B3GALT1: variants seen among roughly 807,000 people sequenced by gnomAD.
B3GALT1 encodes beta-1,3-galactosyltransferase 1, also known as UDP-Gal:betaGlcNAc beta 1,3-galactosyltransferase, polypeptide 1.
Under a neutral mutation model 23.2 loss-of-function variants are expected in B3GALT1, and 10 were observed. The ratio of observed to expected loss-of-function variants is 0.43; its 90% CI spans 0.27 to 0.73. The LOEUF (loss-of-function observed/expected upper bound fraction) is 0.73, where lower values mean the gene tolerates loss of function less well. B3GALT1 is among the 30% of genes least tolerant of loss of function. The pLI is 0.21. For synonymous variants in B3GALT1, 156 were observed against 141.5 expected, an observed-to-expected ratio of 1.10 and a Z score of -0.73; for missense variants, 299 against 405.4, an observed-to-expected ratio of 0.74 and a Z score of 2.25.
At chr2:167,362,663 C>T (rs1697516262) in intron 1 of B3GALT1, among the ~76,000 whole-genome samples, 1 of 151,870 alleles carries the variant, frequency 6.6e-6, no homozygotes, top group Non-Finnish European at 1.5e-5. Context: ...TGATATCTCC[C>T]CTTCCTGAGG....
chr2:167,332,074 G>A (rs918102386), intron 1 of B3GALT1, among the ~76,000 whole-genome samples: 1 of 152,178 alleles, frequency 6.6e-6, no homozygotes, highest in African/African-American at 2.4e-5. Context: ...GTGAGACCCA[G>A]TGTGAACTCT....
At chr2:167,486,873 A>G (rs1225335268) in intron 1 of B3GALT1, among the ~76,000 whole-genome samples, 2 of 152,220 alleles carry the variant, frequency 1.3e-5, no homozygotes, top group Non-Finnish European at 2.9e-5. Context: ...AGAAGGAAAA[A>G]TCACACAAGA....
At chr2:167,346,026 T>C (rs1466998053) in intron 1 of B3GALT1, among the ~76,000 whole-genome samples, 2 of 148,524 alleles carry the variant, frequency 1.3e-5, no homozygotes, top group South Asian at 4.2e-4. Context: ...TAGATACTTA[T>C]TTGTTGGATT....
Position 167,465,843 on chromosome 2 carries a change from G to A in B3GALT1, c.-510-24334G>A, listed in dbSNP as rs547776788. On this transcript the variant is annotated intron_variant, in intron 1 of 4. Transcript: ENST00000392690. Reference sequence around the variant, plus strand: ...AACTTCATACACCTGCAGGGAAAGTGGACAATTTGAGGAAGATGTGAGTTG... The same window carrying A: ...AACTTCATACACCTGCAGGGAAAGTAGACAATTTGAGGAAGATGTGAGTTG... Among the ~76,000 whole-genome samples, 7 of 151,950 alleles carry A rather than the reference G, an allele frequency of 4.6e-5. No homozygotes were observed. In the South Asian group the frequency reaches 1.5e-3, roughly 32 times the overall value.
chr2:167,557,483 G>A (rs544253040), intron 2 of B3GALT1, among the ~76,000 whole-genome samples: 57 of 152,128 alleles, frequency 3.7e-4, no homozygotes, highest in Middle Eastern at 3.2e-3. Flanking sequence ...GTAGAACTTA[G>A]AAACATGATA....
intron 3 of B3GALT1, among the ~76,000 whole-genome samples, chr2:167,740,067 C>G (rs1462979074): frequency 2.0e-5 from 3 of 151,258 alleles, no homozygotes; most frequent in South Asian, 4.2e-4. Context: ...CTGCCATACT[C>G]CAGCCTGGGC....
intron 1 of B3GALT1, among the ~76,000 whole-genome samples, chr2:167,453,270 A>T (rs1165126730): frequency 6.6e-6 from 1 of 152,192 alleles, no homozygotes; most frequent in Non-Finnish European, 1.5e-5. Context: ...TTGCCAATGG[A>T]TATATTATTG....
chr2:167,494,019 T>C (rs1018496986), intron 2 of B3GALT1, among the ~76,000 whole-genome samples: 1 of 152,118 alleles, frequency 6.6e-6, no homozygotes, highest in Admixed American at 6.5e-5. Context: ...GACAGAGTAA[T>C]AGGGAGATCT....
chr2:167,423,214 A>G lies in B3GALT1; in HGVS notation c.-510-66963A>G, dbSNP rs148757832. The stretch of plus-strand genomic sequence containing the variant: ...TAAATGAAGGTAAAAGGCTAGAGGA[A>G]CCAGAGAGTAAAGAAGTTAACTATA... On this transcript the variant is annotated intron_variant, in intron 1 of 4. Coordinates refer to ENST00000392690, the MANE Select transcript of B3GALT1 (RefSeq NM_020981.4). Among the ~76,000 whole-genome samples the G allele has an allele frequency of 1.7e-3, 266 of 152,258 alleles. 1 individual carries two copies. Among genetic ancestry groups the G allele is most frequent in the African/African-American group, 6.2e-3 (258 of 41,554 alleles).
chr2:167,486,259 T>TGAGGCAGGAGAATTGCTGGAACCCAG (rs1699625312), intron 1 of B3GALT1, among the ~76,000 whole-genome samples: 1 of 148,396 alleles, frequency 6.7e-6, no homozygotes, highest in Non-Finnish European at 1.5e-5. Context: ...CTCAGGAGGC[T>TGAGGCAGGAGAATTGCTGGAACCCAG]GAGGCAGGAG....
intron 2 of B3GALT1, among the ~76,000 whole-genome samples, chr2:167,547,905 A>G (rs1057465354): frequency 2.0e-5 from 3 of 152,174 alleles, no homozygotes; most frequent in East Asian, 1.9e-4. Context: ...TCCACTGGCT[A>G]TGTGTAAACT....
At chr2:167,804,141 C>A (rs954031914) in intron 3 of B3GALT1, among the ~76,000 whole-genome samples, 6 of 152,004 alleles carry the variant, frequency 3.9e-5, no homozygotes, top group African/African-American at 1.2e-4. Flanking sequence ...AGGTGGGCAC[C>A]ACCACGTCCA....
intron 3 of B3GALT1, among the ~76,000 whole-genome samples, chr2:167,716,556 A>G (rs1238043405): frequency 2.0e-5 from 3 of 152,072 alleles, no homozygotes; most frequent in African/African-American, 7.2e-5. Flanking sequence ...CCTGCCCTGT[A>G]TTGGTAAATT....
chr2:167,301,572 A>G (rs1359644513), intron 1 of B3GALT1, among the ~76,000 whole-genome samples: 2 of 152,142 alleles, frequency 1.3e-5, no homozygotes, highest in Non-Finnish European at 2.9e-5. Context: ...ATTTATTGAG[A>G]TGGAGTCTTG....
intron 3 of B3GALT1, among the ~76,000 whole-genome samples, chr2:167,803,756 G>A (rs1408772270): frequency 1.3e-5 from 2 of 151,956 alleles, no homozygotes; most frequent in Non-Finnish European, 1.5e-5. Context: ...CTCTCCTAAG[G>A]AATACTTTTT....
chr2:167,398,636 A>G (rs112560694), intron 1 of B3GALT1, among the ~76,000 whole-genome samples: 120 of 152,266 alleles, frequency 7.9e-4, no homozygotes, highest in African/African-American at 2.8e-3. Flanking sequence ...TTAACAGTTC[A>G]TGAGAGGAAT....
At chr2:167,537,965 G>A (rs1683457858) in intron 2 of B3GALT1, among the ~76,000 whole-genome samples, 1 of 151,898 alleles carries the variant, frequency 6.6e-6, no homozygotes, top group Non-Finnish European at 1.5e-5. Flanking sequence ...TGAGATTACA[G>A]GCAAGTGCCA....
chr2:167,356,514 A>G (rs549438979), intron 1 of B3GALT1, among the ~76,000 whole-genome samples: 1 of 152,242 alleles, frequency 6.6e-6, no homozygotes, highest in East Asian at 1.9e-4. Context: ...CTGTGTCTGC[A>G]ACACTGTGAA....
chr2:167,331,952 C>T (rs772588395), intron 1 of B3GALT1, among the ~76,000 whole-genome samples: 3 of 152,144 alleles, frequency 2.0e-5, no homozygotes, highest in African/African-American at 4.8e-5. Flanking sequence ...TCTGAGCATG[C>T]GCAGCTGCGT....
Sources: allele counts gnomAD v4.1 joint callset (sites outside exome capture counted in the v4.1 genomes callset), GRCh38; gene constraint gnomAD v4.1.1; transcripts MANE v1.5; gene names NCBI Gene and HGNC (gene_info 2026-07-23, HGNC 2026-07-21).